PTPRG: variants seen among roughly 807,000 people sequenced by gnomAD.
The protein encoded by PTPRG is protein tyrosine phosphatase receptor type G, also known as receptor-type tyrosine-protein phosphatase gamma.
A neutral mutation model predicts 165.3 loss-of-function variants in PTPRG; 102 were observed. That is an observed-to-expected ratio of 0.62 (90% confidence interval 0.53 to 0.73). The LOEUF (loss-of-function observed/expected upper bound fraction) is 0.73, where lower values mean the gene tolerates loss of function less well. PTPRG is among the 30% of genes least tolerant of loss of function. PTPRG has a pLI of 0.00. For synonymous variants in PTPRG, 675 were observed against 669.5 expected (o/e 1.01, Z -0.13); for missense variants, 1,866 against 1,861.4 (o/e 1.00, Z -0.05).
intron 12 of PTPRG, among the ~76,000 whole-genome samples, chr3:62,204,625 G>T (rs1700181129): frequency 6.6e-6 from 1 of 152,198 alleles, no homozygotes; most frequent in African/African-American, 2.4e-5. Context: ...ATTAAGAAAG[G>T]CCACTCTGGA....
At chr3:61,810,057 G>T (rs1337747462) in intron 2 of PTPRG, among the ~76,000 whole-genome samples, 3 of 152,142 alleles carry the variant, frequency 2.0e-5, no homozygotes, top group African/African-American at 7.2e-5. Flanking sequence ...CTGGAAGTGG[G>T]CTGTGCCTGC....
chr3:62,199,745 G>A (rs950135610), intron 10 of PTPRG, among the ~76,000 whole-genome samples: 1 of 152,124 alleles, frequency 6.6e-6, no homozygotes, highest in African/African-American at 2.4e-5. Flanking sequence ...AGTTTATATA[G>A]CACTTTTGTT....
intron 5 of PTPRG, among the ~76,000 whole-genome samples, chr3:62,090,134 T>C (rs1454240458): frequency 1.3e-5 from 2 of 152,226 alleles, no homozygotes; most frequent in Non-Finnish European, 2.9e-5. Flanking sequence ...TAAAATGTTC[T>C]GCATATGAAA....
intron 5 of PTPRG, among the ~76,000 whole-genome samples, chr3:62,109,135 A>G (rs930917614): frequency 2.6e-5 from 4 of 152,160 alleles, no homozygotes; most frequent in Admixed American, 6.5e-5. Flanking sequence ...TATGTCCTGA[A>G]TGGTATTGCC....
intron 2 of PTPRG, among the ~76,000 whole-genome samples, chr3:61,774,021 C>T (rs768848897): frequency 4.6e-5 from 7 of 152,118 alleles, no homozygotes; most frequent in African/African-American, 9.6e-5. Flanking sequence ...GTGATCCAAC[C>T]GCCTCAGCCT....
At chr3:62,032,042 A>G (rs1183925162) in intron 4 of PTPRG, among the ~76,000 whole-genome samples, 1 of 152,230 alleles carries the variant, frequency 6.6e-6, no homozygotes, top group Non-Finnish European at 1.5e-5. Context: ...ATGGAAATTA[A>G]TGCCTTAGGG....
At chr3:62,266,919 A>G (rs1219212405) in intron 17 of PTPRG, among the ~76,000 whole-genome samples, 1 of 150,998 alleles carries the variant, frequency 6.6e-6, no homozygotes, top group Non-Finnish European at 1.5e-5. Context: ...AGATTCCTGT[A>G]ATGAGATTAC....
rs114813576 is a variant in PTPRG, at chr3:61,996,057, C to G, written c.370+6253C>G. 6.5e-3 allele frequency among the ~76,000 whole-genome samples: 982 copies of G among 152,230 alleles called. 10 individuals are homozygous for G. The highest frequency in any genetic ancestry group is 0.023 in the African/African-American group (941 of 41,522). On this transcript the variant is annotated intron_variant, in intron 3 of 29. Transcript: ENST00000474889. ...GCTCCTAGCATTGGCCCCCTTCTCT[C>G]CCTTCTTCCTGTCTTCTTTCCTTAG...
chr3:61,817,187 A>AT (rs1559628582), intron 2 of PTPRG, among the ~76,000 whole-genome samples: 19 of 120,682 alleles, frequency 1.6e-4, no homozygotes, highest in South Asian at 4.7e-4. Flanking sequence ...ATAATATATA[A>AT]AATAATATAT....
chr3:61,955,486 A>G (rs1170968404), intron 2 of PTPRG, among the ~76,000 whole-genome samples: 2 of 152,222 alleles, frequency 1.3e-5, no homozygotes, highest in African/African-American at 2.4e-5. Context: ...ATCTACAGAA[A>G]TGTATGTGAA....
chr3:61,652,965 A>G (rs1702398705), intron 1 of PTPRG, among the ~76,000 whole-genome samples: 1 of 152,218 alleles, frequency 6.6e-6, no homozygotes, highest in African/African-American at 2.4e-5. Context: ...TATGGAGTGG[A>G]GATTTACACT....
At chr3:62,079,326 A>T (rs1289298205) in intron 5 of PTPRG, among the ~76,000 whole-genome samples, 1 of 152,264 alleles carries the variant, frequency 6.6e-6, no homozygotes, top group Non-Finnish European at 1.5e-5. Context: ...TACCTAGAAT[A>T]AGAACAATGG....
intron 2 of PTPRG, among the ~76,000 whole-genome samples, chr3:61,854,848 G>A (rs534266077): frequency 6.6e-6 from 1 of 152,290 alleles, no homozygotes; most frequent in South Asian, 2.1e-4. Context: ...AGAAGGTTCC[G>A]TTATATTGCT....
chr3:61,927,485 T>C (rs1175240050), intron 2 of PTPRG, among the ~76,000 whole-genome samples: 4 of 152,238 alleles, frequency 2.6e-5, no homozygotes, highest in Non-Finnish European at 5.9e-5. Context: ...TTTTGAGAAT[T>C]GTTATATCCT....
chr3:62,293,661 G>A lies in PTPRG; in HGVS notation c.*354G>A, dbSNP rs1252128973. The A allele has an allele frequency of 6.0e-6, 1 of 165,626 alleles. No individual in the cohort carries two copies. The highest frequency in any genetic ancestry group is 6.2e-5 in the Admixed American group (1 of 16,016). The allele number at this position is 165,626 out of a possible 1,614,324, so 10.3% of individuals were successfully genotyped here. On this transcript the variant is annotated 3_prime_UTR_variant, in exon 30 of 30. Coordinates refer to ENST00000474889, the MANE Select transcript of PTPRG (RefSeq NM_002841.4). ...GGTCTTTGTTATGACAGTGAATATT[G>A]CTTTTATTATTATTATTGCTGAAGT...
chr3:61,718,582 G>T (rs1442910173), intron 1 of PTPRG, among the ~76,000 whole-genome samples: 1 of 152,206 alleles, frequency 6.6e-6, no homozygotes, highest in Non-Finnish European at 1.5e-5. Context: ...GTTTTTGCCT[G>T]TGTCTCTGTT....
intron 1 of PTPRG, among the ~76,000 whole-genome samples, chr3:61,563,400 C>T (rs1699819563): frequency 6.6e-6 from 1 of 152,104 alleles, no homozygotes; most frequent in Non-Finnish European, 1.5e-5. Flanking sequence ...GGCAGTTCCC[C>T]CTCCTCTCTC....
intron 2 of PTPRG, among the ~76,000 whole-genome samples, chr3:61,752,802 G>GAAAAGAAAAAAAAA (rs1553660820): frequency 1.8e-4 from 19 of 103,650 alleles, no homozygotes; most frequent in East Asian, 2.9e-4. Context: ...AAAAAAAAAA[G>GAAAAGAAAAAAAAA]AAAAAAAAAA....
intron 2 of PTPRG, chr3:61,769,338 C>G (rs2034134696): frequency 6.6e-6 from 1 of 151,962 alleles, no homozygotes; most frequent in Non-Finnish European, 1.5e-5. Context: ...TACTTTGGCC[C>G]AGTCATAGCC....
Sources: allele counts gnomAD v4.1 joint callset (sites outside exome capture counted in the v4.1 genomes callset), GRCh38; gene constraint gnomAD v4.1.1; transcripts MANE v1.5; gene names NCBI Gene and HGNC (gene_info 2026-07-23, HGNC 2026-07-21).